The following COL14A1 variants were observed in gnomAD, a reference collection of about 807,000 sequenced individuals.
The protein encoded by COL14A1 is collagen alpha-1(XIV) chain.
A neutral mutation model predicts 230.3 loss-of-function variants in COL14A1; 136 were observed. The ratio of observed to expected loss-of-function variants is 0.59; its 90% CI spans 0.51 to 0.68. The LOEUF is 0.68. Ranked by LOEUF, COL14A1 falls within the 30% of genes least tolerant of loss-of-function variation. The probability of loss-of-function intolerance (pLI) is 0.00; values close to 1 mark genes in which losing one functional copy is unlikely to be tolerated. For missense variants in COL14A1, 1,976 were observed against 2,215.8 expected, an observed-to-expected ratio of 0.89 and a Z score of 2.17; for synonymous variants, 792 against 784.1, an observed-to-expected ratio of 1.01 and a Z score of -0.17.
chr8:120,245,970 T>C (rs1213624246), intron 20 of COL14A1, among the ~76,000 whole-genome samples: 1 of 152,198 alleles, frequency 6.6e-6, no homozygotes, highest in Non-Finnish European at 1.5e-5. Flanking sequence ...ACAGTCATAG[T>C]GCCACCTGTC....
intron 8 of COL14A1, among the ~76,000 whole-genome samples, chr8:120,202,589 T>C (rs770378215): frequency 3.3e-5 from 5 of 152,142 alleles, no homozygotes; most frequent in Non-Finnish European, 7.4e-5. Context: ...ATCTCTAACA[T>C]TGTTGGTAAA....
In COL14A1 at chr8:120,265,641, A is replaced by G. The variant is rs184270984; in HGVS notation, c.3017-1186A>G. On this transcript the variant is annotated intron_variant, in intron 24 of 47. Coordinates refer to ENST00000297848, the MANE Select transcript of COL14A1 (RefSeq NM_021110.4). ...TATATAAAATAAAAAAGGTATATAT[A>G]TGTGTGTGTGTGTGTGTATGTGTGC... Among the ~76,000 whole-genome samples the G allele has an allele frequency of 3.8e-3, 567 of 150,412 alleles. 3 individuals carry two copies. Among genetic ancestry groups the G allele is most frequent in the African/African-American group, 0.013 (523 of 41,096 alleles).
chr8:120,317,814 G>A (rs1369409804), intron 40 of COL14A1, among the ~76,000 whole-genome samples: 1 of 152,128 alleles, frequency 6.6e-6, no homozygotes, highest in African/African-American at 2.4e-5. Flanking sequence ...AGGATTAAAA[G>A]GCTTAGAGCT....
intron 5 of COL14A1, among the ~76,000 whole-genome samples, chr8:120,190,722 T>G (rs1423830548): frequency 3.3e-5 from 5 of 152,190 alleles, no homozygotes; most frequent in Non-Finnish European, 5.9e-5. Context: ...CAATTTCAGA[T>G]CCTGTTATTG....
At chr8:120,299,814 A>G (rs997855810) in intron 35 of COL14A1, among the ~76,000 whole-genome samples, 4 of 152,104 alleles carry the variant, frequency 2.6e-5, no homozygotes, top group African/African-American at 9.7e-5. Flanking sequence ...TCTGTTGTGA[A>G]TATTGTAGAG....
At chr8:120,157,085 T>C (rs1815505588) in intron 2 of COL14A1, among the ~76,000 whole-genome samples, 1 of 152,184 alleles carries the variant, frequency 6.6e-6, no homozygotes, top group Admixed American at 6.5e-5. Context: ...GGAACATTTG[T>C]GTAGTGTTCC....
intron 45 of COL14A1, 141 bp downstream of exon 45, chr8:120,345,704 GTTTA>G (rs1822485835): frequency 1.3e-6 from 1 of 774,172 alleles, no homozygotes; most frequent in Non-Finnish European, 1.9e-6. Context: ...TCAGTTTCTT[GTTTA>G]TTTATCTCTG....
intron 5 of COL14A1, among the ~76,000 whole-genome samples, chr8:120,169,898 AG>A (rs750045034): frequency 1.5e-4 from 23 of 152,222 alleles, no homozygotes; most frequent in Non-Finnish European, 3.1e-4. Flanking sequence ...ATTACCATAC[AG>A]TTAAAACTCA....
intron 19 of COL14A1, among the ~76,000 whole-genome samples, chr8:120,239,787 A>G (rs1818557914): frequency 6.6e-6 from 1 of 151,126 alleles, no homozygotes; most frequent in Non-Finnish European, 1.5e-5. Context: ...ACCCGTGGAA[A>G]CTTCCCAAGG....
At chr8:120,246,604 A>G (rs544667870) in intron 20 of COL14A1, among the ~76,000 whole-genome samples, 79 of 152,342 alleles carry the variant, frequency 5.2e-4, no homozygotes, top group African/African-American at 1.8e-3. Flanking sequence ...CTATTTAAAG[A>G]TTATTAGTAT....
intron 23 of COL14A1, among the ~76,000 whole-genome samples, chr8:120,260,169 G>A (rs925147390): frequency 6.6e-6 from 1 of 151,916 alleles, no homozygotes; most frequent in African/African-American, 2.4e-5. Flanking sequence ...ATATAAAAAT[G>A]AATTTAAAAT....
At chr8:120,355,075 A>G (rs185602918) in intron 45 of COL14A1, among the ~76,000 whole-genome samples, 16 of 152,296 alleles carry the variant, frequency 1.1e-4, no homozygotes, top group Middle Eastern at 6.8e-3. Flanking sequence ...CTGAACCGTG[A>G]CAATCCAGTG....
intron 19 of COL14A1, among the ~76,000 whole-genome samples, chr8:120,238,168 G>A (rs1238760287): frequency 1.3e-5 from 2 of 152,186 alleles, no homozygotes; most frequent in Admixed American, 1.3e-4. Flanking sequence ...TTCAGAGCCA[G>A]CAGGCAGGAA....
chr8:120,151,058 G>A (rs1815263353), intron 2 of COL14A1, among the ~76,000 whole-genome samples: 1 of 152,070 alleles, frequency 6.6e-6, no homozygotes, highest in Admixed American at 6.6e-5. Flanking sequence ...GATAAGTGAA[G>A]GCTGGAGAAA....
rs772865732 is a variant in COL14A1, at chr8:120,158,118, C to T, written c.89-12C>T. 7.2e-6 allele frequency: 10 copies of T among 1,392,508 alleles called. No individual in the cohort carries two copies. In the East Asian group the frequency reaches 1.7e-4, roughly 23 times the overall value. 86.3% of individuals were successfully genotyped at this position (1,392,508 alleles called of 1,614,324 possible). A position where few individuals can be genotyped will look rare whatever the true frequency, so the allele number is the denominator to read the frequency against. ...TTACAATGTTTACATCATTTTTGTT[C>T]TTCCTTTTCAGTGGCTCCACCCACA... is the stretch of plus-strand genomic sequence containing the variant. On this transcript the variant is annotated splice_polypyrimidine_tract_variant and intron_variant, in intron 2 of 47. Coordinates refer to ENST00000297848, the MANE Select transcript of COL14A1 (RefSeq NM_021110.4).
At chr8:120,157,712 G>C (rs1042868050) in intron 2 of COL14A1, among the ~76,000 whole-genome samples, 3 of 152,084 alleles carry the variant, frequency 2.0e-5, no homozygotes, top group Non-Finnish European at 2.9e-5. Context: ...ATGGCCAGGC[G>C]TGGTGGCTTA....
In COL14A1 at chr8:120,158,176, T is replaced by G; in HGVS notation, c.135T>G (p.Ser45Arg). 1 of 1,610,516 alleles carries G rather than the reference T, an allele frequency of 6.2e-7. No individual in the cohort carries two copies. Among genetic ancestry groups the G allele is most frequent in the Non-Finnish European group, 8.5e-7 (1 of 1,177,816 alleles). ...GATATAATGTAATATCTCATGACAG[T>G]ATACAGATTTCATGGAAGGCTCCAA... ...RLRYNVISHD[S>R]IQISWKAPRG... is the part of the protein sequence containing the mutation. The change falls in exon 3 of 48, where the codon AGT becomes AGG. Residue 45 changes from serine to arginine, a missense_variant. By Grantham distance (110) the Ser-to-Arg change is moderately radical. This residue lies in a region of COL14A1 where 181 missense variants were observed against 178.6 expected (regional missense o/e 1.01). Transcript: ENST00000297848.
At chr8:120,199,336 T>G (rs1817149291) in intron 7 of COL14A1, 66 bp from the exon 8 acceptor site, 3 of 1,409,054 alleles carry the variant, frequency 2.1e-6, no homozygotes, top group Non-Finnish European at 2.8e-6. Flanking sequence ...TGTGGTTATA[T>G]CTTGAAGAAT....
rs1812172679 is a variant in COL14A1, at chr8:120,371,996, T to C, written c.*765T>C. On this transcript the variant is annotated 3_prime_UTR_variant, in exon 48 of 48. Transcript: ENST00000297848. ...TGCAGATAAGTTTTCGCAAACCTAT[T>C]TCCATTTTCTTTTGTAAGCAAATAA... is the stretch of plus-strand genomic sequence containing the variant. 1 of 203,776 alleles carries C rather than the reference T, an allele frequency of 4.9e-6. No individual in the cohort carries two copies. Among genetic ancestry groups the C allele is most frequent in the Non-Finnish European group, 9.8e-6 (1 of 101,594 alleles). The allele number at this position is 203,776 out of a possible 1,614,324, so 12.6% of individuals were successfully genotyped here.
Sources: allele counts gnomAD v4.1 joint callset (sites outside exome capture counted in the v4.1 genomes callset), GRCh38; gene constraint gnomAD v4.1.1; regional missense constraint gnomAD v4.1.1; transcripts MANE v1.5; gene names NCBI Gene and HGNC (gene_info 2026-07-23, HGNC 2026-07-21).